Variants in LRFN5 observed in about 807,000 individuals in gnomAD.
LRFN5 encodes leucine-rich repeat and fibronectin type-III domain-containing protein 5.
A neutral mutation model predicts 45.6 loss-of-function variants in LRFN5; 24 were observed. That is an observed-to-expected ratio of 0.53 (90% CI 0.38 to 0.74). The LOEUF (loss-of-function observed/expected upper bound fraction) is 0.74. Among genes scored for constraint, LRFN5 ranks in the 30% least tolerant of loss-of-function variants. The probability of loss-of-function intolerance (pLI) is 0.00; values close to 1 mark genes in which losing one functional copy is unlikely to be tolerated. For synonymous variants in LRFN5, 340 were observed against 313.8 expected (o/e 1.08, Z -0.88); for missense variants, 776 against 861.5 (o/e 0.90, Z 1.24).
intron 1 of LRFN5, among the ~76,000 whole-genome samples, chr14:41,750,495 A>G (rs1324823278): frequency 6.6e-6 from 1 of 151,934 alleles, no homozygotes; most frequent in Non-Finnish European, 1.5e-5. Context: ...ATTATTTTGA[A>G]GGTCACATAA....
At chr14:41,861,080 A>G (rs568340688) in intron 2 of LRFN5, among the ~76,000 whole-genome samples, 1 of 152,284 alleles carries the variant, frequency 6.6e-6, no homozygotes, top group Admixed American at 6.5e-5. Flanking sequence ...ATTAATGTTT[A>G]TACATTTTTA....
chr14:41,704,268 G>C (rs1026054562), intron 1 of LRFN5, among the ~76,000 whole-genome samples: 1 of 152,094 alleles, frequency 6.6e-6, no homozygotes. Context: ...ATAACTTCCA[G>C]AGTAGCCACG....
intron 2 of LRFN5, among the ~76,000 whole-genome samples, chr14:41,874,603 G>T (rs999179809): frequency 1.3e-5 from 2 of 152,108 alleles, no homozygotes; most frequent in Admixed American, 6.5e-5. Context: ...AATTTATCAA[G>T]TAGAGGAATT....
intron 2 of LRFN5, among the ~76,000 whole-genome samples, chr14:41,874,998 C>A (rs775968898): frequency 1.4e-4 from 21 of 152,190 alleles, no homozygotes; most frequent in Non-Finnish European, 2.4e-4. Flanking sequence ...GTTACCCCCC[C>A]ACCAACTGGG....
At chr14:41,643,885 A>T (rs1879695649) in intron 1 of LRFN5, among the ~76,000 whole-genome samples, 1 of 152,116 alleles carries the variant, frequency 6.6e-6, no homozygotes, top group African/African-American at 2.4e-5. Context: ...ACTTCTGTTC[A>T]TAATCTCTGT....
intron 1 of LRFN5, among the ~76,000 whole-genome samples, chr14:41,636,729 C>G (rs1879325868): frequency 6.6e-6 from 1 of 152,102 alleles, no homozygotes; most frequent in Non-Finnish European, 1.5e-5. Context: ...AGAACACACT[C>G]ATATGCAGCA....
At chr14:41,681,582 A>G (rs1413275402) in intron 1 of LRFN5, among the ~76,000 whole-genome samples, 1 of 152,058 alleles carries the variant, frequency 6.6e-6, no homozygotes, top group African/African-American at 2.4e-5. Context: ...AGACTTTCCC[A>G]GATGAACGAA....
At chr14:41,706,325 C>T (rs1237427299) in intron 1 of LRFN5, among the ~76,000 whole-genome samples, 1 of 152,142 alleles carries the variant, frequency 6.6e-6, no homozygotes, top group African/African-American at 2.4e-5. Flanking sequence ...GTCTTGAACT[C>T]CCGACCTCGG....
intron 1 of LRFN5, among the ~76,000 whole-genome samples, chr14:41,763,236 G>C (rs2138873854): frequency 6.6e-6 from 1 of 152,258 alleles, no homozygotes; most frequent in South Asian, 2.1e-4. Flanking sequence ...TTTTGAAAGA[G>C]AAAAATGGTC....
At chr14:41,727,617 C>A (rs1437680795) in intron 1 of LRFN5, among the ~76,000 whole-genome samples, 4 of 151,650 alleles carry the variant, frequency 2.6e-5, no homozygotes, top group Non-Finnish European at 2.9e-5. Flanking sequence ...AAGAGTGAGA[C>A]CCTGTCTCTA....
intron 1 of LRFN5, among the ~76,000 whole-genome samples, chr14:41,698,026 G>A (rs1226100886): frequency 6.6e-6 from 1 of 151,824 alleles, no homozygotes; most frequent in East Asian, 1.9e-4. Context: ...AGAGACTAGG[G>A]GAAAAATTGA....
intron 1 of LRFN5, among the ~76,000 whole-genome samples, chr14:41,726,883 G>C (rs1226198933): frequency 6.6e-6 from 1 of 152,124 alleles, no homozygotes; most frequent in East Asian, 1.9e-4. Flanking sequence ...TAAGAGTGTA[G>C]ACAAAAGGCT....
At chr14:41,666,957 TACA>T (rs1281381801) in intron 1 of LRFN5, among the ~76,000 whole-genome samples, 2 of 152,186 alleles carry the variant, frequency 1.3e-5, no homozygotes, top group Non-Finnish European at 2.9e-5. Flanking sequence ...ATAATGATTA[TACA>T]ACGTTATAGA....
At chr14:41,731,320 G>A (rs932813681) in intron 1 of LRFN5, 15 of 151,216 alleles carry the variant, frequency 9.9e-5, no homozygotes, top group African/African-American at 3.4e-4. Flanking sequence ...TTTTAAATTT[G>A]TCACAAACTT....
chr14:41,771,689 G>T (rs943803904), intron 2 of LRFN5, among the ~76,000 whole-genome samples: 1 of 151,978 alleles, frequency 6.6e-6, no homozygotes, highest in South Asian at 2.1e-4. Context: ...CATTTCCATC[G>T]GAGACCTTGT....
intron 1 of LRFN5, among the ~76,000 whole-genome samples, chr14:41,736,067 T>C (rs1594658993): frequency 6.6e-6 from 1 of 152,166 alleles, no homozygotes; most frequent in South Asian, 2.1e-4. Flanking sequence ...AATAAACATA[T>C]GTGTGCATGT....
At chr14:41,663,732 C>T (rs1273443997) in intron 1 of LRFN5, among the ~76,000 whole-genome samples, 3 of 151,894 alleles carry the variant, frequency 2.0e-5, no homozygotes, top group African/African-American at 7.3e-5. Flanking sequence ...GTGATTTATT[C>T]TTCTGCACTC....
chr14:41,734,024 C>CTTTTTTTTTTTTTT (rs1241948731), intron 1 of LRFN5, among the ~76,000 whole-genome samples: 4 of 115,536 alleles, frequency 3.5e-5, no homozygotes, highest in Non-Finnish European at 6.9e-5. Flanking sequence ...CTTTTCTTTT[C>CTTTTTTTTTTTTTT]TTTTCTTTTT....
intron 2 of LRFN5, among the ~76,000 whole-genome samples, chr14:41,831,949 C>T (rs191463164): frequency 2.6e-4 from 39 of 152,234 alleles, no homozygotes; most frequent in Non-Finnish European, 4.9e-4. Flanking sequence ...TTCTCCTTGT[C>T]CTCACCTAGC....
Sources: allele counts gnomAD v4.1 joint callset (sites outside exome capture counted in the v4.1 genomes callset), GRCh38; gene constraint gnomAD v4.1.1; transcripts MANE v1.5; gene names NCBI Gene and HGNC (gene_info 2026-07-23, HGNC 2026-07-21).